TRDN: variants seen among roughly 807,000 people sequenced by gnomAD.
TRDN encodes triadin in skeletal muscle.
In TRDN, 161 loss-of-function variants were observed where a neutral mutation model predicts 149.7. That is an observed-to-expected ratio of 1.08 (90% CI 0.95 to 1.23). The LOEUF (loss-of-function observed/expected upper bound fraction) is 1.23, where lower values mean the gene tolerates loss of function less well. Ranked by LOEUF, TRDN falls within the 50% of genes most tolerant of loss-of-function variation. The pLI is 0.00. For synonymous variants in TRDN, 294 were observed against 250.5 expected, an observed-to-expected ratio of 1.17 and a Z score of -1.64; for missense variants, 896 against 823.5, an observed-to-expected ratio of 1.09 and a Z score of -1.08.
intron 24 of TRDN, among the ~76,000 whole-genome samples, chr6:123,315,051 CTAA>C (rs1374988811): frequency 6.6e-6 from 1 of 151,788 alleles, no homozygotes; most frequent in African/African-American, 2.4e-5. Flanking sequence ...TTAATGTAAA[CTAA>C]TAATAGGAAA....
At chr6:123,603,391 A>G (rs571904353) in intron 1 of TRDN, among the ~76,000 whole-genome samples, 1 of 151,878 alleles carries the variant, frequency 6.6e-6, no homozygotes, top group African/African-American at 2.4e-5. Context: ...TTACATATAT[A>G]CCTGTTTTAC....
At chr6:123,349,206 G>C (rs1780361441) in intron 21 of TRDN, among the ~76,000 whole-genome samples, 1 of 152,142 alleles carries the variant, frequency 6.6e-6, no homozygotes, top group African/African-American at 2.4e-5. Flanking sequence ...ATAAGAGTAA[G>C]AAGAAGTAAA....
intron 25 of TRDN, 27 bp from the exon 26 acceptor site, chr6:123,278,374 C>A: frequency 8.2e-7 from 1 of 1,223,090 alleles, no homozygotes; most frequent in Admixed American, 3.1e-5. Flanking sequence ...ACATTAGTAA[C>A]AATGATTATA....
rs747291723 is a variant in TRDN at position 123,274,630 on chromosome 6, G to C, written c.1597+11C>G. The C allele has an allele frequency of 1.2e-6, 2 of 1,605,070 alleles. No individual in the cohort carries two copies. The highest frequency in any genetic ancestry group is 1.7e-4 in the Middle Eastern group (1 of 5,954). On this transcript the variant is annotated intron_variant, in intron 27 of 40. Transcript: ENST00000334268. ...CAACTCTGAATCTATATAAAATAAA[G>C]CTCATGTTACCTGGTTTTGCTTCTT...
At chr6:123,223,258 C>T (rs558334198) in intron 39 of TRDN, among the ~76,000 whole-genome samples, 14 of 151,460 alleles carry the variant, frequency 9.2e-5, no homozygotes, top group African/African-American at 1.7e-4. Flanking sequence ...AACACAAAGA[C>T]GGGAGGAACA....
At chr6:123,464,600 A>C in intron 10 of TRDN, 1 of 1,052,544 alleles carries the variant, frequency 9.5e-7, no homozygotes, top group African/African-American at 1.7e-5. Context: ...TTGTGGTAAA[A>C]CTCCCAGAGT....
chr6:123,557,647 G>A (rs1319689133), intron 2 of TRDN, among the ~76,000 whole-genome samples: 6 of 152,094 alleles, frequency 3.9e-5, no homozygotes, highest in African/African-American at 1.4e-4. Flanking sequence ...ACAACTGCCT[G>A]ATTATTCACC....
At chr6:123,401,143 G>A (rs973420692) in intron 12 of TRDN, among the ~76,000 whole-genome samples, 5 of 152,122 alleles carry the variant, frequency 3.3e-5, no homozygotes, top group Admixed American at 1.3e-4. Flanking sequence ...GACTTCTTGA[G>A]CCCTTTTTTT....
chr6:123,482,910 G>A (rs1457348145), intron 9 of TRDN, among the ~76,000 whole-genome samples: 3 of 151,948 alleles, frequency 2.0e-5, no homozygotes, highest in African/African-American at 7.2e-5. Flanking sequence ...AAATAGGGCA[G>A]TGGGCATTTG....
chr6:123,476,858 T>G (rs1583110870), intron 9 of TRDN, among the ~76,000 whole-genome samples: 3 of 151,876 alleles, frequency 2.0e-5, no homozygotes. Context: ...GCTAGCCATA[T>G]GTAGAAAGCT....
intron 1 of TRDN, among the ~76,000 whole-genome samples, chr6:123,585,940 C>T (rs979121533): frequency 4.6e-5 from 7 of 151,894 alleles, no homozygotes; most frequent in African/African-American, 1.2e-4. Context: ...GTTTGAGGGC[C>T]AGAATTTAAT....
chr6:123,579,548 TTTG>T (rs2114572417), intron 1 of TRDN, among the ~76,000 whole-genome samples: 1 of 152,314 alleles, frequency 6.6e-6, no homozygotes, highest in East Asian at 1.9e-4. Flanking sequence ...TTTGCAAGAT[TTTG>T]TTGAGGATTT....
intron 10 of TRDN, among the ~76,000 whole-genome samples, chr6:123,461,352 T>G (rs1268874201): frequency 2.6e-5 from 4 of 152,332 alleles, no homozygotes; most frequent in Admixed American, 6.5e-5. Context: ...GTACTAGTTA[T>G]ATATTTATTC....
At chr6:123,477,338 T>G (rs1363575993) in intron 9 of TRDN, among the ~76,000 whole-genome samples, 1 of 141,562 alleles carries the variant, frequency 7.1e-6, no homozygotes, top group Non-Finnish European at 1.6e-5. Context: ...ATCAGAGAAA[T>G]ACAAATCAAA....
At chr6:123,333,824 T>C (rs1029897999) in intron 22 of TRDN, among the ~76,000 whole-genome samples, 3 of 152,080 alleles carry the variant, frequency 2.0e-5, no homozygotes, top group African/African-American at 7.2e-5. Context: ...GAAAACATTT[T>C]TTAAAATATA....
At chr6:123,445,253 G>C (rs1034787323) in intron 10 of TRDN, 9 of 152,174 alleles carry the variant, frequency 5.9e-5, no homozygotes, top group African/African-American at 2.2e-4. Context: ...TCTTGGGAGA[G>C]TGTATGTTAG....
chr6:123,346,680 G>A (rs1410986110), intron 21 of TRDN, among the ~76,000 whole-genome samples: 1 of 151,848 alleles, frequency 6.6e-6, no homozygotes, highest in Admixed American at 6.6e-5. Flanking sequence ...TATAAAAGGA[G>A]GACACAAGTT....
chr6:123,290,819 C>G (rs952272535), intron 24 of TRDN, among the ~76,000 whole-genome samples: 1 of 151,906 alleles, frequency 6.6e-6, no homozygotes. Context: ...TATGAGGGAA[C>G]CAGTGAGTGA....
In TRDN at chr6:123,614,288, TAAAAAAAAAAACAAA is replaced by T. The variant is rs1232899684; in HGVS notation, c.22+22451_22+22465del. Among the ~76,000 whole-genome samples the T allele has an allele frequency of 5.2e-4, 31 of 59,312 alleles. 1 individual carries two copies. The highest frequency in any genetic ancestry group is 1.2e-3 in the Admixed American group (6 of 5,066). 38.9% of individuals were successfully genotyped at this position (59,312 alleles called of 152,430 possible). On this transcript the variant is annotated intron_variant, in intron 1 of 40. Coordinates refer to ENST00000334268, the MANE Select transcript of TRDN (RefSeq NM_006073.4). ...ATGTTACCGTGGGAAAGTGCTTCAT[TAAAAAAAAAAACAAA>T]AAAAAAAAAAACAAAAAAAACCCTC...
Sources: gnomAD v4.1 joint callset for allele counts (sites outside exome capture counted in the v4.1 genomes callset) on GRCh38, gnomAD v4.1.1 for gene constraint, MANE v1.5 for transcripts, NCBI Gene and HGNC (gene_info 2026-07-23, HGNC 2026-07-21) for gene names.